PRLR: variants seen among roughly 807,000 people sequenced by gnomAD.
PRLR encodes the protein prolactin receptor, also known as hPRL receptor.
Under a neutral mutation model 40.2 loss-of-function variants are expected in PRLR, and 13 were observed. That is an observed-to-expected ratio of 0.32 (90% CI 0.21 to 0.51). The LOEUF (loss-of-function observed/expected upper bound fraction) is 0.51. PRLR is among the 20% of genes least tolerant of loss of function. The pLI is 0.97. For missense variants in PRLR, 656 were observed against 747.3 expected, an observed-to-expected ratio of 0.88 and a Z score of 1.42; for synonymous variants, 269 against 278.7, an observed-to-expected ratio of 0.97 and a Z score of 0.35.
intron 5 of PRLR, among the ~76,000 whole-genome samples, chr5:35,080,503 C>T (rs765294016): frequency 1.9e-4 from 29 of 152,146 alleles, no homozygotes; most frequent in Non-Finnish European, 2.9e-4. Context: ...TATCATCTCA[C>T]ACCAGTTAGA....
chr5:35,218,978 C>T (rs1034483427), intron 1 of PRLR, among the ~76,000 whole-genome samples: 1 of 152,182 alleles, frequency 6.6e-6, no homozygotes, highest in African/African-American at 2.4e-5. Flanking sequence ...TTCATCAAGA[C>T]TCCTCTGGTA....
At chr5:35,095,348 A>G (rs73072988) in intron 2 of PRLR, among the ~76,000 whole-genome samples, 156 of 152,340 alleles carry the variant, frequency 1.0e-3, no homozygotes, top group African/African-American at 3.4e-3. Flanking sequence ...ATTCTAAGAC[A>G]TGGGACAAAA....
chr5:35,171,993 C>G (rs1022419510), intron 1 of PRLR, among the ~76,000 whole-genome samples: 2 of 152,184 alleles, frequency 1.3e-5, no homozygotes, highest in African/African-American at 4.8e-5. Context: ...TCACAGCCCT[C>G]AGGTTGTTTA....
At chr5:35,173,057 G>T (rs1346414088) in intron 1 of PRLR, among the ~76,000 whole-genome samples, 1 of 152,038 alleles carries the variant, frequency 6.6e-6, no homozygotes, top group African/African-American at 2.4e-5. Context: ...AGAAAAATTA[G>T]CCTTGAAAAA....
At chr5:35,121,682 C>T (rs571574294) in intron 1 of PRLR, among the ~76,000 whole-genome samples, 3 of 152,296 alleles carry the variant, frequency 2.0e-5, no homozygotes, top group South Asian at 4.1e-4. Flanking sequence ...TTATTTAATG[C>T]TCCCCAAAAT....
At chr5:35,099,769 T>C (rs1408046633) in intron 2 of PRLR, among the ~76,000 whole-genome samples, 1 of 152,120 alleles carries the variant, frequency 6.6e-6, no homozygotes, top group African/African-American at 2.4e-5. Flanking sequence ...GTTTAAAAAG[T>C]AAAACAAAAA....
At position 35,065,637 on chromosome 5, in the gene PRLR, C is replaced by G; in HGVS notation, c.1321G>C (p.Val441Leu). 1.2e-6 allele frequency: 2 copies of G among 1,613,928 alleles called. No homozygotes were observed. Among genetic ancestry groups the G allele is most frequent in the South Asian group, 1.1e-5 (1 of 91,066 alleles). The change falls in exon 10 of 10, where the codon GTG (valine) becomes CTG (leucine). Residue 441 changes from valine to leucine, a missense_variant. Physicochemically the swap from Val to Leu is conservative, Grantham distance 32 (BLOSUM62 1). Transcript: ENST00000618457. ...HNITDVCELA[V>L]GPAGAPATLL... ...GTGGCCGGTGCACCTGCAGGGCCCA[C>G]AGCCAGCTCACACACATCAGTAATA...
intron 1 of PRLR, among the ~76,000 whole-genome samples, chr5:35,151,847 C>T (rs942585910): frequency 2.0e-5 from 3 of 152,130 alleles, no homozygotes; most frequent in African/African-American, 7.2e-5. Flanking sequence ...GACATAAGAC[C>T]ACTGTGTTGT....
In PRLR at chr5:35,099,052, C is replaced by G. The variant is rs148069231; in HGVS notation, c.-43-9389G>C. Among the ~76,000 whole-genome samples the G allele has an allele frequency of 5.7e-3, 864 of 152,332 alleles. 6 individuals carry two copies. The highest frequency in any genetic ancestry group is 8.2e-3 in the Non-Finnish European group (560 of 68,040). Reference sequence around the variant, plus strand: ...CACTCTTATTCCTGCTTTCCCTACCCTCTCAGAACCTTGGAATACATTCAT... The same window carrying G: ...CACTCTTATTCCTGCTTTCCCTACCGTCTCAGAACCTTGGAATACATTCAT... On this transcript the variant is annotated intron_variant, in intron 2 of 9. Transcript: ENST00000618457.
intron 1 of PRLR, among the ~76,000 whole-genome samples, chr5:35,130,511 G>C (rs926031476): frequency 6.6e-6 from 1 of 152,134 alleles, no homozygotes; most frequent in Non-Finnish European, 1.5e-5. Flanking sequence ...GATTCTGAAA[G>C]GGCAAGCAAT....
At chr5:35,109,818 A>G (rs1240767527) in intron 2 of PRLR, among the ~76,000 whole-genome samples, 1 of 152,220 alleles carries the variant, frequency 6.6e-6, no homozygotes, top group Non-Finnish European at 1.5e-5. Context: ...GCGATTCCTC[A>G]AGGATCTAGA....
rs1768748071 is a variant in PRLR at position 35,056,787 on chromosome 5, AG to A, written c.*8301del. Reference sequence around the variant, plus strand: ...GTTGGCTTCAATATAAGCACAGGAGAGCCAGCGTTTCTGTGACTGAAGCCAA... The same window carrying A: ...GTTGGCTTCAATATAAGCACAGGAGACCAGCGTTTCTGTGACTGAAGCCAA... On this transcript the variant is annotated 3_prime_UTR_variant, in exon 10 of 10. Transcript: ENST00000618457. 1 of 152,146 alleles carries A rather than the reference AG, an allele frequency of 6.6e-6. No homozygotes were observed. The highest frequency in any genetic ancestry group is 6.6e-5 in the Admixed American group (1 of 15,250). The allele number at this position is 152,146 out of a possible 1,614,324, so 9.4% of individuals were successfully genotyped here.
downstream of PRLR, among the ~76,000 whole-genome samples, chr5:35,052,026 G>A (rs770267068): frequency 3.9e-5 from 6 of 152,092 alleles, no homozygotes; most frequent in South Asian, 2.1e-4. Context: ...ATCTATATAC[G>A]CCCAATAATA....
intron 5 of PRLR, among the ~76,000 whole-genome samples, chr5:35,079,383 A>G (rs1332831737): frequency 6.6e-6 from 1 of 152,238 alleles, no homozygotes; most frequent in African/African-American, 2.4e-5. Flanking sequence ...ATCAATGTGC[A>G]AAAGTCACAA....
At chr5:35,168,990 A>G (rs1774925135) in intron 1 of PRLR, among the ~76,000 whole-genome samples, 3 of 152,196 alleles carry the variant, frequency 2.0e-5, no homozygotes. Context: ...AAGCTGGGTG[A>G]TTATGGGGCA....
chr5:35,169,884 G>A (rs13160159), intron 1 of PRLR, among the ~76,000 whole-genome samples: 46,788 of 152,096 alleles, frequency 0.31, 7,484 homozygotes, highest in African/African-American at 0.39. Context: ...CTATAATGCA[G>A]ATAACCTGAG....
chr5:35,200,191 T>C (rs1056039322), intron 1 of PRLR, among the ~76,000 whole-genome samples: 1 of 152,200 alleles, frequency 6.6e-6, no homozygotes, highest in Admixed American at 6.5e-5. Flanking sequence ...TATCTTGTGG[T>C]TTAGAAATAA....
chr5:35,188,831 G>C (rs746961797), intron 1 of PRLR, among the ~76,000 whole-genome samples: 6 of 152,124 alleles, frequency 3.9e-5, no homozygotes, highest in Non-Finnish European at 8.8e-5. Flanking sequence ...CTGAATGTCA[G>C]ACACTGTTTT....
At chr5:35,160,684 T>C (rs560555651) in intron 1 of PRLR, among the ~76,000 whole-genome samples, 74 of 152,310 alleles carry the variant, frequency 4.9e-4, no homozygotes, top group Middle Eastern at 6.8e-3. Context: ...TCAGGTTTTT[T>C]GCATGTCTGA....
Sources: gnomAD v4.1 joint callset for allele counts (sites outside exome capture counted in the v4.1 genomes callset) on GRCh38, gnomAD v4.1.1 for gene constraint, MANE v1.5 for transcripts, NCBI Gene and HGNC (gene_info 2026-07-23, HGNC 2026-07-21) for gene names.